Variants in KDM1B observed in about 807,000 individuals in gnomAD.
The protein encoded by KDM1B is lysine-specific histone demethylase 2.
Under a neutral mutation model 107.4 loss-of-function variants are expected in KDM1B, and 63 were observed. The ratio of observed to expected loss-of-function variants is 0.59; its 90% CI spans 0.48 to 0.72. The LOEUF is 0.72. KDM1B is among the 30% of genes least tolerant of loss of function. The pLI is 0.00. For missense variants in KDM1B, 749 were observed against 1,020.8 expected (o/e 0.73, Z 3.63); for synonymous variants, 363 against 363.9 (o/e 1.00, Z 0.03).
intron 20 of KDM1B, among the ~76,000 whole-genome samples, chr6:18,216,554 T>C (rs1175073795): frequency 6.6e-6 from 1 of 152,200 alleles, no homozygotes; most frequent in East Asian, 1.9e-4. Context: ...TTACAGTCGC[T>C]CTCTCTTACT....
intron 9 of KDM1B, among the ~76,000 whole-genome samples, chr6:18,190,152 GA>G (rs70974710): frequency 0.13 from 19,226 of 148,766 alleles, 1,299 homozygotes; most frequent in South Asian, 0.19. Context: ...TCTGTCTCGA[GA>G]AAAAAAAAAA....
chr6:18,161,252 T>C, intron 3 of KDM1B, 75 bp from the exon 4 acceptor site: 2 of 1,397,962 alleles, frequency 1.4e-6, no homozygotes, highest in South Asian at 1.2e-5. Context: ...CAGCTGTGAT[T>C]TCAGTAGTGA....
Position 18,197,294 on chromosome 6 carries a change from G to A in KDM1B, c.1146+61G>A, listed in dbSNP as rs1787714600. 6.9e-7 allele frequency: 1 copy of A among 1,442,138 alleles called. No individual in the cohort carries two copies. The highest frequency in any genetic ancestry group is 9.5e-7 in the Non-Finnish European group (1 of 1,052,338). The allele number at this position is 1,442,138 out of a possible 1,614,324, so 89.3% of individuals were successfully genotyped here. Reference sequence around the variant, plus strand: ...TGATCAGGACAAACGCTAGTCTGTTGCTGTTAATAAATATAGTAAAAGCCA... The same window carrying A: ...TGATCAGGACAAACGCTAGTCTGTTACTGTTAATAAATATAGTAAAAGCCA... On this transcript the variant is annotated intron_variant, in intron 11 of 21. Coordinates refer to ENST00000650836, the MANE Select transcript of KDM1B (RefSeq NM_001364614.2). The surrounding 1 kb of genome is among the most constrained non-coding windows in gnomAD (Gnocchi z 4.5).
chr6:18,194,132 C>T (rs1787485687), intron 10 of KDM1B, among the ~76,000 whole-genome samples: 1 of 152,156 alleles, frequency 6.6e-6, no homozygotes, highest in Non-Finnish European at 1.5e-5. Flanking sequence ...CTGCCTCAGC[C>T]TCCCAAAGTG....
In KDM1B at chr6:18,201,863, A is replaced by G. The variant is rs1359766306; in HGVS notation, c.1531+206A>G. On this transcript the variant is annotated intron_variant, in intron 14 of 21. Transcript: ENST00000650836. The surrounding 1 kb of genome is among the most constrained non-coding windows in gnomAD (Gnocchi z 4.3). ...GCTTAGATGCTTGTGTTGTGTACAC[A>G]CACACACACAGACCTTACTTTACAC... Among the ~76,000 whole-genome samples the G allele has an allele frequency of 1.3e-5, 2 of 152,176 alleles. No homozygotes were observed. Among genetic ancestry groups the G allele is most frequent in the Admixed American group, 1.3e-4 (2 of 15,280 alleles).
intron 5 of KDM1B, among the ~76,000 whole-genome samples, chr6:18,165,687 G>T (rs572850623): frequency 5.3e-5 from 8 of 152,142 alleles, no homozygotes; most frequent in Non-Finnish European, 1.2e-4. Flanking sequence ...GCCAGGCATG[G>T]TGGCAGGTGC....
rs1786811537 is a variant in KDM1B, at chr6:18,185,696, C to G, written c.535-76C>G. On this transcript the variant is annotated intron_variant, in intron 7 of 21. Transcript: ENST00000650836. ...CAGCCTGATAGGTGAAAAGAGATAT[C>G]TTATTGAAGATAAATGGATACCTGA... 10 of 1,251,340 alleles carry G rather than the reference C, an allele frequency of 8.0e-6. No homozygotes were observed. In the South Asian group the frequency reaches 1.2e-4, roughly 15 times the overall value. 77.5% of individuals were successfully genotyped at this position (1,251,340 alleles called of 1,614,324 possible).
chr6:18,210,007 T>C (rs1788713514), intron 17 of KDM1B, among the ~76,000 whole-genome samples: 1 of 152,228 alleles, frequency 6.6e-6, no homozygotes, highest in South Asian at 2.1e-4. Flanking sequence ...GCTTTGTTAC[T>C]CTCTGCCTGA....
intron 14 of KDM1B, among the ~76,000 whole-genome samples, chr6:18,202,050 G>A (rs1788067186): frequency 6.6e-6 from 1 of 152,116 alleles, no homozygotes; most frequent in South Asian, 2.1e-4. Flanking sequence ...TTTTTGTTGA[G>A]CAGTGAGTTA....
intron 20 of KDM1B, among the ~76,000 whole-genome samples, chr6:18,217,071 TGGGCCAGAGACTCC>T (rs1789292288): frequency 7.8e-6 from 1 of 127,618 alleles, no homozygotes; most frequent in Non-Finnish European, 1.7e-5. Flanking sequence ...CTTTTCTTCT[TGGGCCAGAGACTCC>T]TTTCTGCTAC....
chr6:18,216,412 T>C lies in KDM1B; in HGVS notation c.2232+1283T>C, dbSNP rs141252317. Among the ~76,000 whole-genome samples the C allele has an allele frequency of 1.4e-4, 22 of 152,346 alleles. No individual in the cohort carries two copies. The East Asian group carries it at 3.9e-3, about 27-fold the overall frequency. ...TGCTAATTTTATATGAGAGGATCTA[T>C]CTAATGATGCAATCCCTTGCTTGGG... On this transcript the variant is annotated intron_variant, in intron 20 of 21. Coordinates refer to ENST00000650836, the MANE Select transcript of KDM1B (RefSeq NM_001364614.2).
At position 18,171,427 on chromosome 6, in the gene KDM1B, C is replaced by T. The variant is rs1363763259; in HGVS notation, c.482C>T (p.Pro161Leu). ...RQLTKEIQLT[P>L]QIAKTYRCGM... ...CTTACCAAGGAAATCCAGCTTACTC[C>T]ACAGATAGCCAAGACTTATCGATGC... The change falls in exon 7 of 22, where the codon CCA (proline) becomes CTA (leucine). Residue 161 changes from proline (P) to leucine (L), a missense_variant. Coordinates refer to ENST00000650836, the MANE Select transcript of KDM1B (RefSeq NM_001364614.2). 1 of 1,613,528 alleles carries T rather than the reference C, an allele frequency of 6.2e-7. No individual in the cohort carries two copies. Among genetic ancestry groups the T allele is most frequent in the Non-Finnish European group, 8.5e-7 (1 of 1,179,508 alleles).
intron 10 of KDM1B, among the ~76,000 whole-genome samples, chr6:18,193,298 C>CTTTTTTTTTTT (rs61133563): frequency 1.1e-5 from 1 of 90,076 alleles, no homozygotes; most frequent in Admixed American, 1.4e-4. Context: ...TGTGTGCTTT[C>CTTTTTTTTTTT]TTTTTTTTTT....
Position 18,172,611 on chromosome 6 carries a change from A to G in KDM1B, c.534+1132A>G, listed in dbSNP as rs1238004655. Among the ~76,000 whole-genome samples the G allele has an allele frequency of 6.6e-6, 1 of 152,200 alleles. No homozygotes were observed. Among genetic ancestry groups the G allele is most frequent in the Middle Eastern group, 3.2e-3 (1 of 316 alleles). On this transcript the variant is annotated intron_variant, in intron 7 of 21. Transcript: ENST00000650836. This position sits in a 1 kb window ranked among gnomAD's most constrained non-coding sequence, Gnocchi z 5.2. Reference sequence around the variant, plus strand: ...AAAATCCAAAACACTTCTGGTCCCAAGCATTTCAAATAAGAGAAATTCAAC... The same window carrying G: ...AAAATCCAAAACACTTCTGGTCCCAGGCATTTCAAATAAGAGAAATTCAAC...
intron 20 of KDM1B, among the ~76,000 whole-genome samples, chr6:18,217,144 C>T (rs1486454213): frequency 6.6e-6 from 1 of 152,098 alleles, no homozygotes; most frequent in Non-Finnish European, 1.5e-5. Flanking sequence ...GGGTGATAGC[C>T]CCCAGTAGAG....
chr6:18,206,208 G>T (rs1561946873), intron 15 of KDM1B, among the ~76,000 whole-genome samples: 1 of 150,110 alleles, frequency 6.7e-6, no homozygotes, highest in Non-Finnish European at 1.5e-5. Context: ...TGTGAAAGAA[G>T]CTCAATACGT....
chr6:18,206,894 A>G (rs1376071856), intron 15 of KDM1B, among the ~76,000 whole-genome samples: 1 of 152,062 alleles, frequency 6.6e-6, no homozygotes, highest in Admixed American at 6.5e-5. Context: ...CATTTAACCA[A>G]CTGTGAACTT....
At chr6:18,220,629 GGA>G (rs900330639) in intron 21 of KDM1B, among the ~76,000 whole-genome samples, 2 of 152,170 alleles carry the variant, frequency 1.3e-5, no homozygotes, top group African/African-American at 4.8e-5. Context: ...TGTGGCAAGG[GGA>G]TAAAGGCTGC....
chr6:18,221,919 G>T lies in KDM1B; in HGVS notation c.2396G>T (p.Arg799Met). The change falls in exon 22 of 22, where the codon AGG becomes ATG. Residue 799 changes from arginine to methionine, a missense_variant. By Grantham distance (91) the Arg-to-Met change is moderately conservative. Coordinates refer to ENST00000650836, the MANE Select transcript of KDM1B (RefSeq NM_001364614.2). Reference protein sequence around the residue: ...TVFFAGEATNRHFPQTVTGAY... With the variant: ...TVFFAGEATNMHFPQTVTGAY... ...AATTATGTTTTACAGGCAACAAACA[G>T]GCATTTCCCACAAACTGTTACAGGG... is the stretch of plus-strand genomic sequence containing the variant. The T allele has an allele frequency of 6.2e-7, 1 of 1,603,486 alleles. No individual in the cohort carries two copies. The highest frequency in any genetic ancestry group is 1.1e-5 in the South Asian group (1 of 89,988).
Sources: allele counts gnomAD v4.1 joint callset (sites outside exome capture counted in the v4.1 genomes callset), GRCh38; gene constraint gnomAD v4.1.1; non-coding constraint Gnocchi (gnomAD v3.1); transcripts MANE v1.5; gene names NCBI Gene and HGNC (gene_info 2026-07-23, HGNC 2026-07-21).